CYP2C18: variants seen among roughly 807,000 people sequenced by gnomAD.
The protein encoded by CYP2C18 is cytochrome P450 family 2 subfamily C member 18.
A neutral mutation model predicts 41.3 loss-of-function variants in CYP2C18; 38 were observed. That is an observed-to-expected ratio of 0.92 (90% CI 0.71 to 1.21). CYP2C18 has a LOEUF of 1.21. CYP2C18 is among the 50% of genes most tolerant of loss of function. CYP2C18 has a pLI of 0.00. For missense variants in CYP2C18, 635 were observed against 591.4 expected (o/e 1.07, Z -0.77); for synonymous variants, 236 against 210.0 (o/e 1.12, Z -1.07).
At chr10:94,699,173 C>CA (rs1466990849) in intron 4 of CYP2C18, among the ~76,000 whole-genome samples, 1 of 151,936 alleles carries the variant, frequency 6.6e-6, no homozygotes, top group Non-Finnish European at 1.5e-5. Flanking sequence ...AGAGACACAA[C>CA]AAAAAAAGAG....
At chr10:94,691,303 C>A (rs141326874) in intron 3 of CYP2C18, among the ~76,000 whole-genome samples, 7,256 of 152,276 alleles carry the variant, frequency 0.048, 233 homozygotes, top group South Asian at 0.11. Flanking sequence ...TCTCCTTAAG[C>A]TGATAAGCAA....
intron 4 of CYP2C18, among the ~76,000 whole-genome samples, chr10:94,701,196 A>G (rs1018568012): frequency 2.6e-5 from 4 of 152,240 alleles, no homozygotes; most frequent in African/African-American, 9.6e-5. Flanking sequence ...ATTATTCACA[A>G]TAGCAAAGAC....
chr10:94,725,020 GT>G (rs973967531), intron 7 of CYP2C18, among the ~76,000 whole-genome samples: 23 of 148,404 alleles, frequency 1.5e-4, no homozygotes, highest in African/African-American at 5.2e-4. Flanking sequence ...CATGTATTAC[GT>G]TTTTTTTCTG....
chr10:94,715,505 A>C (rs895720869), intron 5 of CYP2C18, among the ~76,000 whole-genome samples: 1 of 152,154 alleles, frequency 6.6e-6, no homozygotes, highest in African/African-American at 2.4e-5. Flanking sequence ...CATATATTGA[A>C]CCAGCCTTGC....
chr10:94,702,817 G>A (rs948441410), intron 4 of CYP2C18, among the ~76,000 whole-genome samples: 1 of 152,018 alleles, frequency 6.6e-6, no homozygotes, highest in Non-Finnish European at 1.5e-5. Context: ...AGGCATTCTG[G>A]TTTTTGGAAT....
At chr10:94,725,983 C>G (rs930640884) in intron 7 of CYP2C18, among the ~76,000 whole-genome samples, 2 of 152,046 alleles carry the variant, frequency 1.3e-5, no homozygotes, top group African/African-American at 4.8e-5. Flanking sequence ...TCTCCCTTCT[C>G]TATTCTTTTT....
Position 94,720,529 on chromosome 10 carries a change from A to T in CYP2C18, c.953A>T (p.Glu318Val), listed in dbSNP as rs576309406. The T allele has an allele frequency of 1.2e-5, 19 of 1,612,894 alleles. No individual in the cohort carries two copies. Among genetic ancestry groups the T allele is most frequent in the Non-Finnish European group, 1.6e-5 (19 of 1,179,480 alleles). ...YGLLLLLKYP[E>V]VTAKVQEEIE... ...CTCCTGCTCCTGCTGAAGTACCCAG[A>T]GGTCACAGGTATGATGATACCATAG... Residue 318 changes from glutamate (E) to valine (V), a missense_variant, in exon 6 of 9, where the codon GAG (glutamate) becomes GTG (valine). By Grantham distance (121) the Glu-to-Val change is moderately radical (BLOSUM62 -2). Coordinates refer to ENST00000285979, the MANE Select transcript of CYP2C18 (RefSeq NM_000772.3).
At chr10:94,706,722 G>A in intron 4 of CYP2C18, 62 bp from the exon 5 acceptor site, 1 of 916,858 alleles carries the variant, frequency 1.1e-6, no homozygotes, top group African/African-American at 1.7e-5. Flanking sequence ...ACCAGCAGTT[G>A]ACTTATGGCA....
At chr10:94,734,303 T>C (rs1161134172) in intron 8 of CYP2C18, among the ~76,000 whole-genome samples, 3 of 152,146 alleles carry the variant, frequency 2.0e-5, no homozygotes, top group African/African-American at 4.8e-5. Context: ...TCTGTGGACA[T>C]AGAGTTCCCT....
chr10:94,733,239 A>G (rs1366023555), intron 7 of CYP2C18, 58 bp from the exon 8 acceptor site: 10 of 1,519,898 alleles, frequency 6.6e-6, no homozygotes, highest in Non-Finnish European at 9.0e-6. Context: ...GATTTCCATC[A>G]CTTCTTCCCA....
intron 4 of CYP2C18, among the ~76,000 whole-genome samples, chr10:94,704,714 T>C (rs536066035): frequency 6.6e-6 from 1 of 152,302 alleles, no homozygotes; most frequent in South Asian, 2.1e-4. Flanking sequence ...CCTGTCCCGC[T>C]CTGGGCATGT....
At chr10:94,701,493 A>G (rs1047839262) in intron 4 of CYP2C18, among the ~76,000 whole-genome samples, 1 of 152,186 alleles carries the variant, frequency 6.6e-6, no homozygotes, top group African/African-American at 2.4e-5. Flanking sequence ...GGGGAGGGAT[A>G]GCATTAGGAG....
intron 4 of CYP2C18, among the ~76,000 whole-genome samples, chr10:94,696,049 T>G (rs1457989599): frequency 6.6e-6 from 1 of 152,122 alleles, no homozygotes; most frequent in Non-Finnish European, 1.5e-5. Flanking sequence ...AGACTCCACC[T>G]CTGGGGGCAG....
At chr10:94,715,809 T>G (rs985503290) in intron 5 of CYP2C18, among the ~76,000 whole-genome samples, 1 of 146,882 alleles carries the variant, frequency 6.8e-6, no homozygotes, top group African/African-American at 2.5e-5. Context: ...ATCCATCTGG[T>G]CCTGGACTTT....
rs559673266 is a variant in CYP2C18, at chr10:94,716,074, T to C, written c.820-4322T>C. ...TTGCATCTATTTGATTTTTCTCTCT[T>C]TTCTTCTTTATTAGTCTTGCTAGTG... On this transcript the variant is annotated intron_variant, in intron 5 of 8. Transcript: ENST00000285979. Among the ~76,000 whole-genome samples, 11 of 152,286 alleles carry C rather than the reference T, an allele frequency of 7.2e-5. No homozygotes were observed. In the South Asian group the frequency reaches 2.3e-3, roughly 32 times the overall value.
At chr10:94,714,417 C>A (rs536331420) in intron 5 of CYP2C18, among the ~76,000 whole-genome samples, 1 of 152,142 alleles carries the variant, frequency 6.6e-6, no homozygotes, top group Non-Finnish European at 1.5e-5. Context: ...TTTCCCAGTA[C>A]CATTTATTAA....
intron 5 of CYP2C18, among the ~76,000 whole-genome samples, chr10:94,718,865 T>C (rs1281337935): frequency 6.6e-6 from 1 of 152,106 alleles, no homozygotes; most frequent in Admixed American, 6.6e-5. Flanking sequence ...AGAGTTAGGG[T>C]GTTAATGTGT....
chr10:94,722,441 T>C (rs1847663041), intron 6 of CYP2C18, among the ~76,000 whole-genome samples: 2 of 152,158 alleles, frequency 1.3e-5, no homozygotes, highest in Non-Finnish European at 2.9e-5. Flanking sequence ...TGAGAATTAC[T>C]CCTGTTAAAG....
At chr10:94,714,058 T>C (rs1847495918) in intron 5 of CYP2C18, among the ~76,000 whole-genome samples, 1 of 152,218 alleles carries the variant, frequency 6.6e-6, no homozygotes, top group African/African-American at 2.4e-5. Context: ...TTTGAGTTCT[T>C]TGTAGATTCT....
Sources: allele counts gnomAD v4.1 joint callset (sites outside exome capture counted in the v4.1 genomes callset), GRCh38; gene constraint gnomAD v4.1.1; transcripts MANE v1.5; gene names NCBI Gene and HGNC (gene_info 2026-07-23, HGNC 2026-07-21).